The following KLF17 variants were observed in gnomAD, a reference collection of about 807,000 sequenced individuals.
KLF17 encodes Krueppel-like factor 17.
A neutral mutation model predicts 34.2 loss-of-function variants in KLF17; 31 were observed. The ratio of observed to expected loss-of-function variants is 0.91; its 90% CI spans 0.68 to 1.22. KLF17 has a LOEUF of 1.22. Among genes scored for constraint, KLF17 ranks in the 50% most tolerant of loss-of-function variants. The pLI is 0.00. For missense variants in KLF17, 478 were observed against 505.2 expected, an observed-to-expected ratio of 0.95 and a Z score of 0.52; for synonymous variants, 179 against 186.7, an observed-to-expected ratio of 0.96 and a Z score of 0.34.
At chr1:44,080,952 C>T in the KLF17 span, among the ~76,000 whole-genome samples, 2 of 151,896 alleles carry the variant, frequency 1.3e-5, no homozygotes, top group African/African-American at 4.8e-5. Flanking sequence ...TGGACTGAAG[C>T]AATCCACCCA....
chr1:44,080,388 A>C, the KLF17 span, among the ~76,000 whole-genome samples: 1 of 150,228 alleles, frequency 6.7e-6, no homozygotes, highest in Non-Finnish European at 1.5e-5. Flanking sequence ...GCAGGCGCCC[A>C]CCACCACCCC....
intron 1 of KLF17, among the ~76,000 whole-genome samples, chr1:44,127,639 C>CTTTCTT (rs1553171634): frequency 0.021 from 1,627 of 77,260 alleles, 110 homozygotes; most frequent in African/African-American, 0.079. Flanking sequence ...CTTTTCTTTC[C>CTTTCTT]TTCTTTCTTT....
chr1:44,059,639 G>A, the KLF17 span, among the ~76,000 whole-genome samples: 1 of 151,982 alleles, frequency 6.6e-6, no homozygotes, highest in East Asian at 1.9e-4. Flanking sequence ...ATTCCCCTCC[G>A]ATTCCATCTG....
chr1:44,128,160 C>T (rs532714218), intron 1 of KLF17, among the ~76,000 whole-genome samples: 1 of 152,254 alleles, frequency 6.6e-6, no homozygotes, highest in Admixed American at 6.5e-5. Context: ...CAGCTTACTG[C>T]AACCTCTGGC....
At chr1:44,077,772 G>A in the KLF17 span, among the ~76,000 whole-genome samples, 10 of 152,204 alleles carry the variant, frequency 6.6e-5, no homozygotes, top group Non-Finnish European at 1.3e-4. Flanking sequence ...TCAAAGGCGA[G>A]TGTCCCAGGT....
chr1:44,124,400 G>A (rs912521274), intron 1 of KLF17, among the ~76,000 whole-genome samples: 2 of 150,626 alleles, frequency 1.3e-5, no homozygotes, highest in African/African-American at 4.9e-5. Context: ...CTGGATCTCA[G>A]CTGACTGCAA....
chr1:44,105,417 C>G, the KLF17 span: 4 of 151,702 alleles, frequency 2.6e-5, no homozygotes, highest in Non-Finnish European at 4.4e-5. Context: ...TTTCATGATG[C>G]CAGTCTCCTG....
the KLF17 span, chr1:44,051,434 A>G: frequency 6.6e-6 from 1 of 152,420 alleles, no homozygotes; most frequent in East Asian, 1.9e-4. Flanking sequence ...GATCCTGAAG[A>G]GACCTTCACC....
chr1:44,074,645 G>A, the KLF17 span, among the ~76,000 whole-genome samples: 54 of 152,254 alleles, frequency 3.5e-4, no homozygotes, highest in African/African-American at 1.2e-3. Context: ...CATATTTCAC[G>A]AACCAGCACT....
the KLF17 span, among the ~76,000 whole-genome samples, chr1:44,064,990 G>T: frequency 3.9e-5 from 6 of 152,108 alleles, no homozygotes; most frequent in Non-Finnish European, 8.8e-5. Context: ...TTGTTTTAAG[G>T]TCAAGAGATG....
the KLF17 span, among the ~76,000 whole-genome samples, chr1:44,050,180 G>T: frequency 1.0e-3 from 155 of 152,296 alleles, 2 homozygotes; most frequent in Non-Finnish European, 2.6e-4. Flanking sequence ...AATGATAAAA[G>T]TTATTTACAC....
the KLF17 span, among the ~76,000 whole-genome samples, chr1:44,094,742 A>G: frequency 6.6e-6 from 1 of 152,106 alleles, no homozygotes; most frequent in Admixed American, 6.6e-5. Context: ...TTTGGTTACC[A>G]TAATTCTGTA....
At chr1:44,120,122 TGA>T (rs1416453634) in intron 1 of KLF17, among the ~76,000 whole-genome samples, 2 of 152,202 alleles carry the variant, frequency 1.3e-5, no homozygotes, top group South Asian at 2.1e-4. Flanking sequence ...TGACATTTTC[TGA>T]GAGAGAGTGA....
At chr1:44,070,607 T>C in the KLF17 span, among the ~76,000 whole-genome samples, 1 of 145,002 alleles carries the variant, frequency 6.9e-6, no homozygotes, top group African/African-American at 2.6e-5. Context: ...TTTTTTTTTT[T>C]TTTTTTTTTG....
the KLF17 span, chr1:44,103,641 T>C: frequency 6.2e-7 from 1 of 1,610,420 alleles, no homozygotes; most frequent in Non-Finnish European, 8.5e-7. Flanking sequence ...CAGCTTGACG[T>C]TCATCAGCTC....
At chr1:44,045,037 A>G in the KLF17 span, 3 of 152,260 alleles carry the variant, frequency 2.0e-5, no homozygotes, top group African/African-American at 7.2e-5. Flanking sequence ...ATAAATCCTG[A>G]AGAATGGCTC....
At chr1:44,074,228 C>A in the KLF17 span, among the ~76,000 whole-genome samples, 2 of 152,194 alleles carry the variant, frequency 1.3e-5, no homozygotes, top group African/African-American at 4.8e-5. Flanking sequence ...CCATCCTCAC[C>A]CCATGTGTAC....
At chr1:44,104,527 T>C in the KLF17 span, 5 of 717,814 alleles carry the variant, frequency 7.0e-6, no homozygotes, top group Non-Finnish European at 1.3e-5. Flanking sequence ...GCCTGGATGT[T>C]GAGATCCACC....
At chr1:44,082,033 A>T in the KLF17 span, among the ~76,000 whole-genome samples, 1 of 152,224 alleles carries the variant, frequency 6.6e-6, no homozygotes, top group African/African-American at 2.4e-5. Context: ...ATATTGGGAA[A>T]GTTAATGTCC....
Sources: allele counts gnomAD v4.1 joint callset (sites outside exome capture counted in the v4.1 genomes callset), GRCh38; gene constraint gnomAD v4.1.1; transcripts MANE v1.5; gene names NCBI Gene and HGNC (gene_info 2026-07-23, HGNC 2026-07-21).